Variants in NCOA2 observed in about 807,000 individuals in gnomAD.
NCOA2 encodes the protein class E basic helix-loop-helix protein 75.
In NCOA2, 21 loss-of-function variants were observed where a neutral mutation model predicts 145.1. The observed-to-expected ratio is 0.14, with a 90% CI of 0.10 to 0.21. The LOEUF (loss-of-function observed/expected upper bound fraction) is 0.21. NCOA2 is among the 10% of genes least tolerant of loss of function. NCOA2 has a pLI of 1.00. For synonymous variants in NCOA2, 619 were observed against 637.5 expected, an observed-to-expected ratio of 0.97 and a Z score of 0.44; for missense variants, 1,472 against 1,837.6, an observed-to-expected ratio of 0.80 and a Z score of 3.64.
chr8:70,265,619 C>T (rs565568772), intron 2 of NCOA2, among the ~76,000 whole-genome samples: 6 of 152,300 alleles, frequency 3.9e-5, no homozygotes, highest in Non-Finnish European at 8.8e-5. Context: ...ACTTCCTCTT[C>T]TTCAAAACAA....
chr8:70,118,330 A>ATTCCT (rs1450461372), intron 22 of NCOA2, among the ~76,000 whole-genome samples: 2 of 152,168 alleles, frequency 1.3e-5, no homozygotes, highest in Non-Finnish European at 2.9e-5. Context: ...TGGGAAGTGC[A>ATTCCT]TTCCTGATTT....
At chr8:70,230,310 A>G (rs986876052) in intron 2 of NCOA2, among the ~76,000 whole-genome samples, 2 of 152,186 alleles carry the variant, frequency 1.3e-5, no homozygotes, top group African/African-American at 2.4e-5. Flanking sequence ...GTGGCTGCCA[A>G]GGGCTGGAGG....
At chr8:70,425,041 C>T in the NCOA2 span, among the ~76,000 whole-genome samples, 1 of 152,176 alleles carries the variant, frequency 6.6e-6, no homozygotes, top group Non-Finnish European at 1.5e-5. Context: ...CACTAAACTC[C>T]TACTTGTACA....
At chr8:70,124,651 C>T (rs1265306303) in intron 20 of NCOA2, 37 bp downstream of exon 20, 2 of 1,555,334 alleles carry the variant, frequency 1.3e-6, no homozygotes, top group Admixed American at 1.9e-5. Flanking sequence ...TCAGCTGTCA[C>T]AGTGGCGGTA....
intron 1 of NCOA2, among the ~76,000 whole-genome samples, chr8:70,374,098 T>C (rs1811456379): frequency 6.6e-6 from 1 of 152,174 alleles, no homozygotes; most frequent in African/African-American, 2.4e-5. Context: ...ACTGAAAATA[T>C]AATCCCCTTG....
At chr8:70,215,322 C>T (rs1405591581) in intron 3 of NCOA2, among the ~76,000 whole-genome samples, 3 of 152,182 alleles carry the variant, frequency 2.0e-5, no homozygotes, top group East Asian at 3.9e-4. Context: ...CCCTGAGCGC[C>T]CCAGAGGGAG....
chr8:70,191,509 T>C (rs1052129407), intron 4 of NCOA2, among the ~76,000 whole-genome samples: 4 of 152,176 alleles, frequency 2.6e-5, no homozygotes, highest in Non-Finnish European at 4.4e-5. Flanking sequence ...CCTAGAAAAT[T>C]AGACTGAGTT....
At chr8:70,205,000 C>T (rs1479986918) in intron 4 of NCOA2, among the ~76,000 whole-genome samples, 2 of 152,044 alleles carry the variant, frequency 1.3e-5, no homozygotes, top group African/African-American at 4.8e-5. Flanking sequence ...AGAGCAAGAC[C>T]TTGTCTCAAA....
chr8:70,142,819 A>G (rs202037439), intron 13 of NCOA2, among the ~76,000 whole-genome samples: 3 of 152,232 alleles, frequency 2.0e-5, no homozygotes, highest in Non-Finnish European at 2.9e-5. Flanking sequence ...TTATTTTTTT[A>G]AAAATCTGTT....
chr8:70,114,588 T>C (rs1036485546), intron 22 of NCOA2, among the ~76,000 whole-genome samples: 3 of 152,200 alleles, frequency 2.0e-5, no homozygotes, highest in African/African-American at 7.2e-5. Flanking sequence ...ATCACAAAAA[T>C]TGCCCGACTA....
At chr8:70,219,985 T>C (rs2134006164) in intron 2 of NCOA2, among the ~76,000 whole-genome samples, 1 of 152,332 alleles carries the variant, frequency 6.6e-6, no homozygotes, top group East Asian at 1.9e-4. Context: ...TAAAAACGAC[T>C]TTCTTCTAAG....
rs957303054 is a variant in NCOA2 at position 70,160,697 on chromosome 8, G to C, written c.977-1045C>G. ...AGAGAGAGAGGGAGAGAGAGAGAGA[G>C]AGAGACTGACATATAATGTGGATTC... On this transcript the variant is annotated intron_variant, in intron 9 of 22. Transcript: ENST00000452400. Among the ~76,000 whole-genome samples, 3 of 151,416 alleles carry C rather than the reference G, an allele frequency of 2.0e-5. No individual in the cohort carries two copies. The South Asian group carries it at 6.3e-4, about 32-fold the overall frequency.
chr8:70,206,970 T>C (rs796573584), intron 4 of NCOA2, among the ~76,000 whole-genome samples: 7 of 152,318 alleles, frequency 4.6e-5, no homozygotes, highest in African/African-American at 1.7e-4. Flanking sequence ...AATAATCACA[T>C]TCCTTTCCAT....
intron 15 of NCOA2, among the ~76,000 whole-genome samples, chr8:70,134,169 A>G (rs1444222416): frequency 3.9e-5 from 6 of 152,186 alleles, no homozygotes; most frequent in Admixed American, 3.9e-4. Context: ...TCTTTAAACC[A>G]AATGTGATCA....
the NCOA2 span, among the ~76,000 whole-genome samples, chr8:70,445,902 A>T: frequency 1.3e-5 from 2 of 152,262 alleles, no homozygotes; most frequent in Admixed American, 1.3e-4. Flanking sequence ...TTGTAAAATT[A>T]TCCTACTGGA....
At chr8:70,212,355 T>C (rs1819127012) in intron 4 of NCOA2, among the ~76,000 whole-genome samples, 1 of 151,886 alleles carries the variant, frequency 6.6e-6, no homozygotes, top group South Asian at 2.1e-4. Flanking sequence ...TTAAACTGAG[T>C]TTTTGATAAC....
chr8:70,202,441 A>G (rs150537551), intron 4 of NCOA2, among the ~76,000 whole-genome samples: 35 of 152,336 alleles, frequency 2.3e-4, no homozygotes, highest in African/African-American at 7.2e-4. Context: ...GAAGCAATCT[A>G]TATGTACATC....
chr8:70,263,192 A>C (rs1824280525), intron 2 of NCOA2, among the ~76,000 whole-genome samples: 1 of 145,626 alleles, frequency 6.9e-6, no homozygotes, highest in Non-Finnish European at 1.5e-5. Flanking sequence ...CCTGATAACC[A>C]AGCCGGCTAC....
intron 2 of NCOA2, among the ~76,000 whole-genome samples, chr8:70,235,850 CA>C (rs1244406674): frequency 1.3e-5 from 2 of 152,102 alleles, no homozygotes; most frequent in East Asian, 1.9e-4. Context: ...TCTCAAAAAA[CA>C]AATTTTTTTT....
Sources: allele counts gnomAD v4.1 joint callset (sites outside exome capture counted in the v4.1 genomes callset), GRCh38; gene constraint gnomAD v4.1.1; transcripts MANE v1.5; gene names NCBI Gene and HGNC (gene_info 2026-07-23, HGNC 2026-07-21).